Variants in SMARCC2 observed in about 807,000 individuals in gnomAD.
The protein encoded by SMARCC2 is SWI/SNF complex subunit SMARCC2.
A neutral mutation model predicts 151.3 loss-of-function variants in SMARCC2; 15 were observed. The ratio of observed to expected loss-of-function variants is 0.10; its 90% CI spans 0.07 to 0.15. The LOEUF (loss-of-function observed/expected upper bound fraction) is 0.15. Among genes scored for constraint, SMARCC2 ranks in the 10% least tolerant of loss-of-function variants. SMARCC2 has a pLI of 1.00. For synonymous variants in SMARCC2, 590 were observed against 609.5 expected, an observed-to-expected ratio of 0.97 and a Z score of 0.47; for missense variants, 1,031 against 1,599.7, an observed-to-expected ratio of 0.64 and a Z score of 6.06.
At chr12:56,176,131 A>G (rs1175098693) in intron 15 of SMARCC2, among the ~76,000 whole-genome samples, 1 of 151,456 alleles carries the variant, frequency 6.6e-6, no homozygotes, top group Non-Finnish European at 1.5e-5. Flanking sequence ...TGCTGGAATT[A>G]CAGGCGTGAG....
At chr12:56,170,265 T>C in intron 22 of SMARCC2, 57 bp from the exon 23 acceptor site, 3 of 1,391,400 alleles carry the variant, frequency 2.2e-6, no homozygotes, top group Non-Finnish European at 3.0e-6. Flanking sequence ...GTCGTCTGTG[T>C]CTAACACTTT....
intron 7 of SMARCC2, 63 bp from the exon 8 acceptor site, chr12:56,182,142 C>A: frequency 8.6e-7 from 1 of 1,158,560 alleles, no homozygotes; most frequent in East Asian, 2.4e-5. Flanking sequence ...AAGTAAAGTG[C>A]AGATCTTTTA....
chr12:56,180,959 G>C lies in SMARCC2; in HGVS notation c.1081+18C>G, dbSNP rs760516660. 1.9e-6 allele frequency: 3 copies of C among 1,601,976 alleles called. No individual in the cohort carries two copies. The highest frequency in any genetic ancestry group is 2.6e-6 in the Non-Finnish European group (3 of 1,173,272). On this transcript the variant is annotated intron_variant, in intron 11 of 28. Coordinates refer to ENST00000550164, the MANE Select transcript of SMARCC2 (RefSeq NM_001330288.2). ...CGGGGAGTGGGGGTGGATCCCAGGA[G>C]CTCAGCCTGGCCTGTACCTGTTTTG...
At chr12:56,168,548 GT>G (rs1873290939) in intron 25 of SMARCC2, among the ~76,000 whole-genome samples, 1 of 152,000 alleles carries the variant, frequency 6.6e-6, no homozygotes, top group Non-Finnish European at 1.5e-5. Flanking sequence ...TAATTTCTGT[GT>G]TTTTAGTAGA....
At chr12:56,172,382 C>G in intron 20 of SMARCC2, 46 bp downstream of exon 20, 2 of 1,500,366 alleles carry the variant, frequency 1.3e-6, no homozygotes, top group East Asian at 4.5e-5. Context: ...ACACGGAGCC[C>G]ACTTCTGTTT....
chr12:56,178,537 A>G lies in SMARCC2; in HGVS notation c.1180-3T>C, dbSNP rs1358331743. 2.5e-6 allele frequency: 4 copies of G among 1,614,022 alleles called. No homozygotes were observed. In the African/African-American group the frequency reaches 5.3e-5, roughly 22 times the overall value. On this transcript the variant is annotated splice_polypyrimidine_tract_variant and splice_region_variant and intron_variant, in intron 13 of 28. Transcript: ENST00000550164. ...CCCGTACTGTTCTCATCCTCATCCTACGAGTATGGAGGCTGCTGGACACTC... is the reference window on the plus strand; with the variant it reads ...CCCGTACTGTTCTCATCCTCATCCTGCGAGTATGGAGGCTGCTGGACACTC...
At chr12:56,170,483 T>C (rs1873729607) in intron 22 of SMARCC2, among the ~76,000 whole-genome samples, 1 of 152,066 alleles carries the variant, frequency 6.6e-6, no homozygotes, top group Non-Finnish European at 1.5e-5. Flanking sequence ...TGGAGTGCAG[T>C]AGCACAATCA....
Position 56,164,639 on chromosome 12 carries a change from G to A in SMARCC2, c.3325C>T (p.Pro1109Ser). The A allele has an allele frequency of 6.2e-7, 1 of 1,612,142 alleles. No individual in the cohort carries two copies. The highest frequency in any genetic ancestry group is 1.1e-5 in the South Asian group (1 of 90,950). ...GGCATGCCAAAAGGCAAACCCAAAG[G>A]AGCATTACCCGCCACGCCTGGGTGC... ...SGHPGVAGNA[P>S]LGLPFGMPPP... The change falls in exon 28 of 29, where the codon CCT becomes TCT. Residue 1109 changes from proline to serine, a missense_variant. Transcript: ENST00000550164.
intron 18 of SMARCC2, 60 bp from the exon 19 acceptor site, chr12:56,172,764 C>CA: frequency 6.2e-7 from 1 of 1,606,872 alleles, no homozygotes; most frequent in Non-Finnish European, 8.5e-7. Context: ...CAGGGGCTGA[C>CA]AGAGAGAAAA....
intron 24 of SMARCC2, 27 bp downstream of exon 24, chr12:56,169,749 C>T: frequency 6.2e-7 from 1 of 1,614,024 alleles, no homozygotes; most frequent in South Asian, 1.1e-5. Context: ...TGTCCTGCAC[C>T]CCCACCTACC....
intron 1 of SMARCC2, among the ~76,000 whole-genome samples, chr12:56,188,284 A>G (rs1439401381): frequency 6.6e-6 from 1 of 152,164 alleles, no homozygotes; most frequent in African/African-American, 2.4e-5. Context: ...TGCCATAGAA[A>G]TAGCAGCTAT....
chr12:56,168,508 G>A (rs1873277192), intron 25 of SMARCC2, among the ~76,000 whole-genome samples: 1 of 151,692 alleles, frequency 6.6e-6, no homozygotes, highest in Non-Finnish European at 1.5e-5. Flanking sequence ...CCCAGTACCT[G>A]GGATTACAGA....
At chr12:56,167,523 A>C (rs1393252433) in intron 26 of SMARCC2, among the ~76,000 whole-genome samples, 1 of 152,070 alleles carries the variant, frequency 6.6e-6, no homozygotes, top group African/African-American at 2.4e-5. Flanking sequence ...ATTTCTTTTT[A>C]TGTCCTCCAA....
chr12:56,164,650 G>A lies in SMARCC2; in HGVS notation c.3314C>T (p.Ala1105Val). 2 of 1,612,198 alleles carry A rather than the reference G, an allele frequency of 1.2e-6. No homozygotes were observed. Among genetic ancestry groups the A allele is most frequent in the Non-Finnish European group, 1.7e-6 (2 of 1,179,158 alleles). Residue 1105 changes from alanine to valine, a missense_variant, in exon 28 of 29, where the codon GCG (alanine) becomes GTG (valine). This residue lies in a region of SMARCC2 where 310 missense variants were observed against 350.0 expected (regional missense o/e 0.89). Coordinates refer to ENST00000550164, the MANE Select transcript of SMARCC2 (RefSeq NM_001330288.2). Reference sequence around the variant, plus strand: ...AGGCAAACCCAAAGGAGCATTACCCGCCACGCCTGGGTGCCCGCTGCCTGG... The same window carrying A: ...AGGCAAACCCAAAGGAGCATTACCCACCACGCCTGGGTGCCCGCTGCCTGG... ...AVPGSGHPGV[A>V]GNAPLGLPFG...
intron 15 of SMARCC2, among the ~76,000 whole-genome samples, chr12:56,176,426 A>G (rs1459230731): frequency 1.3e-5 from 2 of 152,248 alleles, no homozygotes; most frequent in African/African-American, 4.8e-5. Context: ...ATTCCTAACC[A>G]AAGAAGACTG....
intron 25 of SMARCC2, 21 bp from the exon 26 acceptor site, chr12:56,168,215 C>G (rs770839229): frequency 1.9e-6 from 3 of 1,613,640 alleles, no homozygotes; most frequent in African/African-American, 2.7e-5. Flanking sequence ...AGGGGCGAGA[C>G]AGCACATCAG....
intron 3 of SMARCC2, 199 bp from the exon 4 acceptor site, chr12:56,185,310 C>G: frequency 1.8e-6 from 1 of 542,848 alleles, no homozygotes; most frequent in Admixed American, 3.0e-5. Context: ...TCCCCAGTAG[C>G]TGGGACTATA....
intron 11 of SMARCC2, among the ~76,000 whole-genome samples, chr12:56,179,894 C>T (rs1875799074): frequency 6.6e-6 from 1 of 152,042 alleles, no homozygotes; most frequent in African/African-American, 2.4e-5. Context: ...ACCGTGTTAG[C>T]CAGGATGGTC....
intron 14 of SMARCC2, 141 bp downstream of exon 14, chr12:56,178,263 C>T: frequency 9.9e-7 from 1 of 1,015,026 alleles, no homozygotes; most frequent in South Asian, 1.5e-5. Context: ...ACACAAGGAG[C>T]TCCCCTAAAA....
Sources: allele counts gnomAD v4.1 joint callset (sites outside exome capture counted in the v4.1 genomes callset), GRCh38; gene constraint gnomAD v4.1.1; regional missense constraint gnomAD v4.1.1; transcripts MANE v1.5; gene names NCBI Gene and HGNC (gene_info 2026-07-23, HGNC 2026-07-21).